ZBTB11: variants seen among roughly 807,000 people sequenced by gnomAD.
ZBTB11 encodes the protein zinc finger and BTB domain containing 11.
A neutral mutation model predicts 113.1 loss-of-function variants in ZBTB11; 68 were observed. The ratio of observed to expected loss-of-function variants is 0.60; its 90% CI spans 0.49 to 0.74. The LOEUF is 0.74. Among genes scored for constraint, ZBTB11 ranks in the 30% least tolerant of loss-of-function variants. The probability of loss-of-function intolerance (pLI) is 0.00; values close to 1 mark genes in which losing one functional copy is unlikely to be tolerated. For synonymous variants in ZBTB11, 518 were observed against 452.6 expected, an observed-to-expected ratio of 1.14 and a Z score of -1.83; for missense variants, 1,104 against 1,279.4, an observed-to-expected ratio of 0.86 and a Z score of 2.09.
rs557407778 is a variant in ZBTB11, at chr3:101,650,646, C to T, written c.*520G>A. 3.4e-4 allele frequency: 52 copies of T among 152,712 alleles called. No homozygotes were observed. Among genetic ancestry groups the T allele is most frequent in the Admixed American group, 1.2e-3 (18 of 15,286 alleles). The allele number at this position is 152,712 out of a possible 1,614,324, so 9.5% of individuals were successfully genotyped here. On this transcript the variant is annotated 3_prime_UTR_variant, in exon 11 of 11. Transcript: ENST00000312938. Reference sequence around the variant, plus strand: ...AAATAGTAAGTCAAGAATCACAGATCTAAAGCATTTAAAAAACGTAATATA... The same window carrying T: ...AAATAGTAAGTCAAGAATCACAGATTTAAAGCATTTAAAAAACGTAATATA...
chr3:101,659,777 C>T lies in ZBTB11; in HGVS notation c.2046+6G>A. On this transcript the variant is annotated splice_donor_region_variant and intron_variant, in intron 6 of 10. Coordinates refer to ENST00000312938, the MANE Select transcript of ZBTB11 (RefSeq NM_014415.4). The stretch of plus-strand genomic sequence containing the variant: ...TTAAATAGCAAAATAAACGTTATAG[C>T]TTTACCTGGCATGCATGTGGCTTTA... The T allele has an allele frequency of 6.2e-7, 1 of 1,613,742 alleles. No homozygotes were observed. The highest frequency in any genetic ancestry group is 8.5e-7 in the Non-Finnish European group (1 of 1,179,666).
chr3:101,653,989 A>C (rs1321206344), intron 8 of ZBTB11, among the ~76,000 whole-genome samples: 3 of 151,890 alleles, frequency 2.0e-5, no homozygotes, highest in East Asian at 3.9e-4. Flanking sequence ...TGTCTCCAAA[A>C]GTGCTGGAAT....
At chr3:101,656,793 T>C (rs1370052764) in intron 6 of ZBTB11, among the ~76,000 whole-genome samples, 1 of 152,156 alleles carries the variant, frequency 6.6e-6, no homozygotes, top group African/African-American at 2.4e-5. Context: ...ACCACACATA[T>C]TGAGTAGTGC....
intron 3 of ZBTB11, among the ~76,000 whole-genome samples, chr3:101,666,778 T>C (rs1937003260): frequency 6.6e-6 from 1 of 152,050 alleles, no homozygotes; most frequent in Non-Finnish European, 1.5e-5. Flanking sequence ...TGAGATGGAG[T>C]CTTGCTCTGT....
chr3:101,665,595 T>C lies in ZBTB11; in HGVS notation c.992A>G (p.Gln331Arg). 6.2e-7 allele frequency: 1 copy of C among 1,614,234 alleles called. No individual in the cohort carries two copies. The highest frequency in any genetic ancestry group is 8.5e-7 in the Non-Finnish European group (1 of 1,180,040). Reference protein sequence around the residue: ...KGEVQTVASTQDLRVQNGGTA... With the variant: ...KGEVQTVASTRDLRVQNGGTA... ...ACCTCCATTCTGTACTCGTAAGTCCTGGGTGGATGCAACTGTTTGTACTTC... is the reference window on the plus strand; with the variant it reads ...ACCTCCATTCTGTACTCGTAAGTCCCGGGTGGATGCAACTGTTTGTACTTC... The change falls in exon 4 of 11, where the codon CAG (glutamine) becomes CGG (arginine). Residue 331 changes from glutamine (Q) to arginine (R), a missense_variant. Physicochemically the swap from Gln to Arg is conservative, Grantham distance 43 (BLOSUM62 1). Around this residue, in one of 5 missense-constraint regions of ZBTB11, gnomAD observed 535 missense variants for 518.6 expected, o/e 1.03. Coordinates refer to ENST00000312938, the MANE Select transcript of ZBTB11 (RefSeq NM_014415.4).
chr3:101,676,057 T>G (rs1015587382), intron 1 of ZBTB11, among the ~76,000 whole-genome samples: 1 of 152,172 alleles, frequency 6.6e-6, no homozygotes, highest in Non-Finnish European at 1.5e-5. Flanking sequence ...CTGCAAATAA[T>G]TGTATTATTC....
Position 101,651,124 on chromosome 3 carries a change from G to C in ZBTB11, c.*42C>G, listed in dbSNP as rs776862366. The C allele has an allele frequency of 2.2e-5, 33 of 1,519,714 alleles. No individual in the cohort carries two copies. The African/African-American group carries it at 4.6e-4, about 21-fold the overall frequency. 94.1% of individuals were successfully genotyped at this position (1,519,714 alleles called of 1,614,324 possible). On this transcript the variant is annotated 3_prime_UTR_variant, in exon 11 of 11. Transcript: ENST00000312938. ...TGTAAACAAATGTTCTGTGAGTTCAGTGTACAAGAGATGTCACTTCTTTTT... is the reference window on the plus strand; with the variant it reads ...TGTAAACAAATGTTCTGTGAGTTCACTGTACAAGAGATGTCACTTCTTTTT...
chr3:101,653,826 G>T (rs1057069459), intron 8 of ZBTB11, among the ~76,000 whole-genome samples: 3 of 152,100 alleles, frequency 2.0e-5, no homozygotes, highest in African/African-American at 7.2e-5. Context: ...TCGAATCCCT[G>T]TAAGAGAGCT....
chr3:101,657,531 C>T (rs1936820528), intron 6 of ZBTB11, among the ~76,000 whole-genome samples: 1 of 150,524 alleles, frequency 6.6e-6, no homozygotes, highest in Non-Finnish European at 1.5e-5. Context: ...AAAAACCTGG[C>T]AGGGTGGGGG....
Position 101,676,903 on chromosome 3 carries a change from C to G in ZBTB11, c.12G>C (p.Glu4Asp). MSS[E>D]ESYRAILRYL... ...AACGCAGGATGGCCCGGTAGCTTTC[C>G]TCGCTTGACATCGCGGACCGCGGCT... Residue 4 changes from glutamate to aspartate, a missense_variant, in exon 1 of 11, where the codon GAG (glutamate) becomes GAC (aspartate). Glu to Asp is a conservative substitution (Grantham distance 45). This residue lies in a region of ZBTB11 where 245 missense variants were observed against 272.5 expected (regional missense o/e 0.90). Coordinates refer to ENST00000312938, the MANE Select transcript of ZBTB11 (RefSeq NM_014415.4). 6.4e-7 allele frequency: 1 copy of G among 1,574,188 alleles called. No homozygotes were observed. The highest frequency in any genetic ancestry group is 8.7e-7 in the Non-Finnish European group (1 of 1,155,504).
At chr3:101,653,993 C>T (rs1015474389) in intron 8 of ZBTB11, among the ~76,000 whole-genome samples, 8 of 152,018 alleles carry the variant, frequency 5.3e-5, no homozygotes, top group African/African-American at 1.9e-4. Context: ...TCCAAAAGTG[C>T]TGGAATTACA....
At chr3:101,659,738 A>G in intron 6 of ZBTB11, 45 bp downstream of exon 6, 1 of 1,601,358 alleles carries the variant, frequency 6.2e-7, no homozygotes, top group Non-Finnish European at 8.5e-7. Context: ...CACATAGTTA[A>G]GTTCTAATGT....
In ZBTB11 at chr3:101,651,682, TC is replaced by T; in HGVS notation, c.2645del (p.Gly882GlufsTer8). The T allele has an allele frequency of 7.2e-7, 1 of 1,394,912 alleles. No individual in the cohort carries two copies. Among genetic ancestry groups the T allele is most frequent in the Non-Finnish European group, 9.3e-7 (1 of 1,078,830 alleles). The allele number at this position is 1,394,912 out of a possible 1,614,324, so 86.4% of individuals were successfully genotyped here. A position where few individuals can be genotyped will look rare whatever the true frequency, so the allele number is the denominator to read the frequency against. The part of the protein sequence containing the change: ...EYRRHMNNHE[G>X]VKPFECLTCG... ...ATGTTAAGCACTCAAATGGCTTAAC[TC>T]CTAAAAAAAAAAAAAAAAAAGCATG... On this transcript the variant is annotated frameshift_variant and splice_region_variant, in exon 11 of 11. Transcript: ENST00000312938. LOFTEE classifies it high-confidence loss of function.
intron 2 of ZBTB11, 88 bp downstream of exon 2, chr3:101,671,890 T>C: frequency 1.0e-6 from 1 of 983,196 alleles, no homozygotes; most frequent in Non-Finnish European, 1.6e-6. Context: ...TAAGCAGTCT[T>C]AGTGGTTTGA....
At chr3:101,652,475 T>C in intron 10 of ZBTB11, 21 bp downstream of exon 10, 1 of 1,608,848 alleles carries the variant, frequency 6.2e-7, no homozygotes, top group African/African-American at 1.3e-5. Context: ...TAAGGATACA[T>C]ATAATATAAA....
intron 5 of ZBTB11, among the ~76,000 whole-genome samples, chr3:101,663,129 C>T (rs563683964): frequency 8.5e-5 from 13 of 152,082 alleles, no homozygotes; most frequent in Non-Finnish European, 1.3e-4. Context: ...TTAGTACAGG[C>T]GGGTTTCACC....
intron 3 of ZBTB11, among the ~76,000 whole-genome samples, chr3:101,666,745 T>C (rs1481135370): frequency 6.6e-6 from 1 of 152,118 alleles, no homozygotes; most frequent in Non-Finnish European, 1.5e-5. Flanking sequence ...TTTTTATTTA[T>C]TTATTTATTT....
Position 101,673,393 on chromosome 3 carries a change from A to G in ZBTB11, c.311-1180T>C, listed in dbSNP as rs1050991817. 2.4e-4 allele frequency among the ~76,000 whole-genome samples: 36 copies of G among 152,242 alleles called. 1 individual carries two copies. The highest frequency in any genetic ancestry group is 4.1e-4 in the South Asian group (2 of 4,836). Reference sequence around the variant, plus strand: ...GCACGCTTGTCCATTCCTAGGGCAGAAAGTTACCCCCAAATCTTCAAATAA... The same window carrying G: ...GCACGCTTGTCCATTCCTAGGGCAGGAAGTTACCCCCAAATCTTCAAATAA... On this transcript the variant is annotated intron_variant, in intron 1 of 10. Coordinates refer to ENST00000312938, the MANE Select transcript of ZBTB11 (RefSeq NM_014415.4).
intron 4 of ZBTB11, 124 bp downstream of exon 4, chr3:101,664,840 A>G: frequency 1.4e-6 from 2 of 1,475,696 alleles, no homozygotes; most frequent in Non-Finnish European, 1.8e-6. Flanking sequence ...CATTTAAAAC[A>G]TTAAGTTGCT....
Sources: allele counts gnomAD v4.1 joint callset (sites outside exome capture counted in the v4.1 genomes callset), GRCh38; gene constraint gnomAD v4.1.1; regional missense constraint gnomAD v4.1.1; transcripts MANE v1.5; gene names NCBI Gene and HGNC (gene_info 2026-07-23, HGNC 2026-07-21).